THSD7B: variants seen among roughly 807,000 people sequenced by gnomAD.
The protein encoded by THSD7B is thrombospondin type-1 domain-containing protein 7B.
A neutral mutation model predicts 213.6 loss-of-function variants in THSD7B; 138 were observed. The observed-to-expected ratio is 0.65, with a 90% CI of 0.56 to 0.74. THSD7B has a LOEUF of 0.74. Among genes scored for constraint, THSD7B ranks in the 30% least tolerant of loss-of-function variants. THSD7B has a pLI of 0.00. For synonymous variants in THSD7B, 742 were observed against 687.0 expected (o/e 1.08, Z -1.25); for missense variants, 1,931 against 1,991.5 (o/e 0.97, Z 0.58).
chr2:136,855,133 A>G (rs1683157432), intron 1 of THSD7B, among the ~76,000 whole-genome samples: 1 of 152,132 alleles, frequency 6.6e-6, no homozygotes, highest in Non-Finnish European at 1.5e-5. Flanking sequence ...CGTCTCCTTT[A>G]TAGAGATATA....
intron 9 of THSD7B, among the ~76,000 whole-genome samples, chr2:137,233,502 T>C (rs951421628): frequency 3.3e-5 from 5 of 152,178 alleles, no homozygotes; most frequent in African/African-American, 9.7e-5. Context: ...CTTTGAAATA[T>C]AGGGTTGTGT....
At chr2:137,536,679 A>T (rs1680513328) in intron 15 of THSD7B, among the ~76,000 whole-genome samples, 1 of 151,690 alleles carries the variant, frequency 6.6e-6, no homozygotes, top group African/African-American at 2.4e-5. Flanking sequence ...CAAGATTTAA[A>T]AAAAAAAGAC....
intron 15 of THSD7B, among the ~76,000 whole-genome samples, chr2:137,464,305 G>T (rs932334400): frequency 1.3e-5 from 2 of 152,050 alleles, no homozygotes; most frequent in Non-Finnish European, 1.5e-5. Context: ...CTTAGGTTGG[G>T]TTCTTCCAGA....
intron 17 of THSD7B, among the ~76,000 whole-genome samples, chr2:137,587,379 G>C (rs979611146): frequency 2.6e-5 from 4 of 152,194 alleles, no homozygotes; most frequent in African/African-American, 9.7e-5. Context: ...TTGCTGGCGA[G>C]GGCCTGTGTT....
At chr2:137,002,875 A>T (rs1242162524) in intron 2 of THSD7B, among the ~76,000 whole-genome samples, 1 of 152,164 alleles carries the variant, frequency 6.6e-6, no homozygotes, top group South Asian at 2.1e-4. Context: ...TCTTATACCA[A>T]GTAGATTTTA....
At chr2:137,358,714 G>A (rs193195080) in intron 12 of THSD7B, among the ~76,000 whole-genome samples, 28 of 152,280 alleles carry the variant, frequency 1.8e-4, no homozygotes, top group Non-Finnish European at 1.5e-5. Flanking sequence ...GTCTCTTGAG[G>A]TCAGATGCCA....
intron 2 of THSD7B, 102 bp downstream of exon 2, chr2:136,882,419 G>A: frequency 8.2e-7 from 1 of 1,213,392 alleles, no homozygotes; most frequent in Non-Finnish European, 1.0e-6. Flanking sequence ...GAAATATCCA[G>A]AGAGGAAAAA....
chr2:137,404,440 T>G (rs1484946871), intron 12 of THSD7B, among the ~76,000 whole-genome samples: 4 of 19,360 alleles, frequency 2.1e-4, no homozygotes, highest in South Asian at 1.7e-3. Context: ...GATATATATA[T>G]ATATATATAT....
intron 20 of THSD7B, among the ~76,000 whole-genome samples, chr2:137,639,350 G>A (rs1682894719): frequency 6.6e-6 from 1 of 152,184 alleles, no homozygotes; most frequent in South Asian, 2.1e-4. Flanking sequence ...TGAGGTTTGG[G>A]AACCTCTGCC....
At chr2:136,925,103 C>G (rs1203848939) in intron 2 of THSD7B, among the ~76,000 whole-genome samples, 3 of 152,090 alleles carry the variant, frequency 2.0e-5, no homozygotes. Flanking sequence ...TCCACACACA[C>G]AATGAGGTCA....
chr2:137,420,975 T>C (rs1195126932), intron 14 of THSD7B, among the ~76,000 whole-genome samples: 1 of 152,178 alleles, frequency 6.6e-6, no homozygotes, highest in Non-Finnish European at 1.5e-5. Flanking sequence ...TCTTCCTGTG[T>C]CTTTAAATCC....
chr2:137,427,900 T>A (rs1055657722), intron 14 of THSD7B, among the ~76,000 whole-genome samples: 1 of 152,250 alleles, frequency 6.6e-6, no homozygotes, highest in East Asian at 1.9e-4. Context: ...TTGTTGGAAA[T>A]CATTTTGTAG....
intron 1 of THSD7B, among the ~76,000 whole-genome samples, chr2:136,855,341 C>T (rs779577798): frequency 1.5e-4 from 23 of 152,222 alleles, no homozygotes; most frequent in Middle Eastern, 6.8e-3. Context: ...ATCTTAAAAT[C>T]GCTTCCTTTA....
chr2:137,375,317 T>G (rs1482153731), intron 12 of THSD7B, among the ~76,000 whole-genome samples: 1 of 152,178 alleles, frequency 6.6e-6, no homozygotes, highest in Non-Finnish European at 1.5e-5. Flanking sequence ...GGTCATTTGG[T>G]ATTGAAATAT....
At chr2:137,577,131 A>G (rs1039109552) in intron 17 of THSD7B, among the ~76,000 whole-genome samples, 2 of 152,078 alleles carry the variant, frequency 1.3e-5, no homozygotes, top group African/African-American at 2.4e-5. Context: ...TATAATCTGG[A>G]GTGTAAATTC....
intron 1 of THSD7B, among the ~76,000 whole-genome samples, chr2:136,811,362 T>G (rs1682374053): frequency 6.6e-6 from 1 of 152,142 alleles, no homozygotes; most frequent in East Asian, 1.9e-4. Context: ...AGGTAAGTAA[T>G]TGTCATGTGA....
rs73958306 is a variant in THSD7B at position 136,997,382 on chromosome 2, G to A, written c.140-59038G>A. ...TGCTGGGGAGATTTGTTTCATTGGG[G>A]ATTAAAGAATAAAATATTTTAAACA... On this transcript the variant is annotated intron_variant, in intron 2 of 27. Coordinates refer to ENST00000409968, the MANE Select transcript of THSD7B (RefSeq NM_001316349.2). Among the ~76,000 whole-genome samples, 703 of 152,280 alleles carry A rather than the reference G, an allele frequency of 4.6e-3. 6 individuals carry two copies. Among genetic ancestry groups the A allele is most frequent in the African/African-American group, 0.016 (666 of 41,560 alleles).
rs576902087 is a variant in THSD7B at position 137,575,773 on chromosome 2, A to G, written c.3423+3217A>G. On this transcript the variant is annotated intron_variant, in intron 17 of 27. Coordinates refer to ENST00000409968, the MANE Select transcript of THSD7B (RefSeq NM_001316349.2). ...ACTTTAACATGCTTACTTTTCTAGA[A>G]TGCTTTACTATGAAAGGAAAGTTGT... Among the ~76,000 whole-genome samples the G allele has an allele frequency of 3.7e-4, 54 of 145,166 alleles. 1 individual carries two copies. Among genetic ancestry groups the G allele is most frequent in the African/African-American group, 1.3e-3 (52 of 40,634 alleles).
chr2:137,510,189 T>C (rs975553367), intron 15 of THSD7B, among the ~76,000 whole-genome samples: 11 of 152,174 alleles, frequency 7.2e-5, no homozygotes, highest in African/African-American at 2.7e-4. Flanking sequence ...CATTTATTTT[T>C]TATTCCTCTA....
Sources: allele counts gnomAD v4.1 joint callset (sites outside exome capture counted in the v4.1 genomes callset), GRCh38; gene constraint gnomAD v4.1.1; transcripts MANE v1.5; gene names NCBI Gene and HGNC (gene_info 2026-07-23, HGNC 2026-07-21).